The following SSU72 variants were observed in gnomAD, a reference collection of about 807,000 sequenced individuals.
SSU72 encodes the protein RNA polymerase II subunit A C-terminal domain phosphatase SSU72.
A neutral mutation model predicts 22.7 loss-of-function variants in SSU72; 12 were observed. The ratio of observed to expected loss-of-function variants is 0.53; its 90% CI spans 0.34 to 0.86. The LOEUF is 0.86. Among genes scored for constraint, SSU72 ranks in the 40% least tolerant of loss-of-function variants. The probability of loss-of-function intolerance (pLI) is 0.02; values close to 1 mark genes in which losing one functional copy is unlikely to be tolerated. For synonymous variants in SSU72, 116 were observed against 98.3 expected (o/e 1.18, Z -1.06); for missense variants, 151 against 249.8 (o/e 0.60, Z 2.67).
At position 1,544,705 on chromosome 1, in the gene SSU72, G is replaced by T. The variant is rs11806797; in HGVS notation, c.364+158C>A. 20,723 of 971,674 alleles carry T rather than the reference G, an allele frequency of 0.021. 2,322 individuals are homozygous for T. In the African/African-American group the frequency reaches 0.27, roughly 12 times the overall value. 60.2% of individuals were successfully genotyped at this position (971,674 alleles called of 1,614,324 possible). A position where few individuals can be genotyped will look rare whatever the true frequency, so the allele number is the denominator to read the frequency against. On this transcript the variant is annotated intron_variant, in intron 3 of 4. Coordinates refer to ENST00000291386, the MANE Select transcript of SSU72 (RefSeq NM_014188.3). ...CAGCACATGGGTGGTTCAGCGACCA[G>T]CGGCCCTGCCTGCCTTCCAGGGTGC...
chr1:1,547,657 G>A (rs911034855), intron 2 of SSU72, among the ~76,000 whole-genome samples: 1 of 152,238 alleles, frequency 6.6e-6, no homozygotes, highest in Admixed American at 6.5e-5. Flanking sequence ...CGAGGCAAAG[G>A]CTCAGAGCAA....
chr1:1,571,622 A>G (rs1027947982), intron 1 of SSU72, among the ~76,000 whole-genome samples: 6 of 152,160 alleles, frequency 3.9e-5, no homozygotes, highest in African/African-American at 1.4e-4. Flanking sequence ...TTCATTATTC[A>G]GAGGTGCTCT....
intron 2 of SSU72, chr1:1,560,834 TAATA>T (rs1165637968): frequency 6.6e-6 from 1 of 152,216 alleles, no homozygotes; most frequent in East Asian, 1.9e-4. Context: ...AAAATAATAA[TAATA>T]AATTAAGTAT....
chr1:1,559,787 T>C (rs1642564855), intron 2 of SSU72, among the ~76,000 whole-genome samples: 1 of 152,070 alleles, frequency 6.6e-6, no homozygotes, highest in East Asian at 1.9e-4. Context: ...AGTGCAATGG[T>C]GCAACTTCGG....
At position 1,567,912 on chromosome 1, in the gene SSU72, CA is replaced by C. The variant is rs71574349; in HGVS notation, c.81-2997del. On this transcript the variant is annotated intron_variant, in intron 1 of 4. Transcript: ENST00000291386. ...TGGGAAACAGAGCGATACTCTGTTT[CA>C]AAAAAAAAAAAAAAAATCGCACAAA... is the stretch of plus-strand genomic sequence containing the variant. Among the ~76,000 whole-genome samples, 823 of 98,294 alleles carry C rather than the reference CA, an allele frequency of 8.4e-3. 14 individuals are homozygous for C. Among genetic ancestry groups the C allele is most frequent in the African/African-American group, 0.024 (579 of 23,874 alleles). 64.5% of individuals were successfully genotyped at this position (98,294 alleles called of 152,430 possible).
intron 2 of SSU72, among the ~76,000 whole-genome samples, chr1:1,553,186 C>T (rs1231015590): frequency 6.6e-6 from 1 of 152,078 alleles, no homozygotes; most frequent in East Asian, 1.9e-4. Context: ...TGGACAGAAA[C>T]CCTGGATCTG....
intron 1 of SSU72, among the ~76,000 whole-genome samples, chr1:1,567,559 G>A (rs990275981): frequency 6.6e-6 from 1 of 152,140 alleles, no homozygotes; most frequent in Non-Finnish European, 1.5e-5. Flanking sequence ...AGAGGGTGAC[G>A]GAGGCCCAGA....
chr1:1,570,871 G>A (rs1160114448), intron 1 of SSU72, among the ~76,000 whole-genome samples: 1 of 152,058 alleles, frequency 6.6e-6, no homozygotes, highest in Non-Finnish European at 1.5e-5. Context: ...CAGCACTTTG[G>A]GAGGCCAAGG....
chr1:1,572,878 G>GC (rs1491207871), intron 1 of SSU72, among the ~76,000 whole-genome samples: 1 of 10,922 alleles, frequency 9.2e-5, no homozygotes, highest in Non-Finnish European at 2.2e-4. Context: ...ATTTTGTCTT[G>GC]GGGGGGGGGG....
rs796075873 is a variant in SSU72 at position 1,542,538 on chromosome 1, G to A, written c.484-371C>T. On this transcript the variant is annotated intron_variant, in intron 4 of 4. Coordinates refer to ENST00000291386, the MANE Select transcript of SSU72 (RefSeq NM_014188.3). The surrounding 1 kb of genome is among the most constrained non-coding windows in gnomAD (Gnocchi z 4.4). Reference sequence around the variant, plus strand: ...CCACACCACCAACAAGCGAGCGGGGGCAGCCTGGTCATCGGAGCATCCTGG... The same window carrying A: ...CCACACCACCAACAAGCGAGCGGGGACAGCCTGGTCATCGGAGCATCCTGG... Among the ~76,000 whole-genome samples, 12 of 152,210 alleles carry A rather than the reference G, an allele frequency of 7.9e-5. No homozygotes were observed. In the South Asian group the frequency reaches 1.0e-3, roughly 13 times the overall value.
At chr1:1,564,375 A>G (rs1383859788) in intron 2 of SSU72, 2 of 1,195,394 alleles carry the variant, frequency 1.7e-6, no homozygotes, top group Non-Finnish European at 2.3e-6. Context: ...GCCCGGCTCC[A>G]TGTGTATCAG....
intron 2 of SSU72, among the ~76,000 whole-genome samples, chr1:1,548,842 G>C (rs1642423577): frequency 6.6e-6 from 1 of 152,208 alleles, no homozygotes; most frequent in South Asian, 2.1e-4. Flanking sequence ...CCAATCCCGA[G>C]AGGCCACCGG....
chr1:1,565,554 G>C (rs1033927252), intron 1 of SSU72, among the ~76,000 whole-genome samples: 3 of 86,840 alleles, frequency 3.5e-5, no homozygotes, highest in African/African-American at 2.3e-4. Context: ...GGATTCCTAA[G>C]GGACTCACAA....
chr1:1,556,869 A>C (rs1199792362), intron 2 of SSU72, among the ~76,000 whole-genome samples: 1 of 152,222 alleles, frequency 6.6e-6, no homozygotes, highest in African/African-American at 2.4e-5. Context: ...GCACAGCTGC[A>C]TTCTGTCCAG....
At chr1:1,572,468 T>A (rs932735376) in intron 1 of SSU72, among the ~76,000 whole-genome samples, 2 of 150,818 alleles carry the variant, frequency 1.3e-5, no homozygotes, top group African/African-American at 4.9e-5. Flanking sequence ...TATTTATGTA[T>A]TTATTTGAGA....
At chr1:1,550,004 G>A (rs1385582273) in intron 2 of SSU72, among the ~76,000 whole-genome samples, 14 of 146,494 alleles carry the variant, frequency 9.6e-5, no homozygotes, top group East Asian at 2.0e-4. Context: ...GCAAAACCCC[G>A]TCTTCTCTAC....
rs74365771 is a variant in SSU72 at position 1,542,828 on chromosome 1, A to G, written c.484-661T>C. Among the ~76,000 whole-genome samples the G allele has an allele frequency of 6.6e-6, 1 of 152,144 alleles. No homozygotes were observed. Among genetic ancestry groups the G allele is most frequent in the Non-Finnish European group, 1.5e-5 (1 of 68,028 alleles). Reference sequence around the variant, plus strand: ...TGACCTTTTCTCCTGCCAGGCGATCATGAAGACCGTCCCTGGCGCTTCAGC... The same window carrying G: ...TGACCTTTTCTCCTGCCAGGCGATCGTGAAGACCGTCCCTGGCGCTTCAGC... On this transcript the variant is annotated intron_variant, in intron 4 of 4. Coordinates refer to ENST00000291386, the MANE Select transcript of SSU72 (RefSeq NM_014188.3). This position sits in a 1 kb window ranked among gnomAD's most constrained non-coding sequence, Gnocchi z 4.4.
At chr1:1,549,297 G>A (rs1006294355) in intron 2 of SSU72, among the ~76,000 whole-genome samples, 1 of 151,992 alleles carries the variant, frequency 6.6e-6, no homozygotes, top group Admixed American at 6.6e-5. Context: ...CGAGGCAGGT[G>A]GATCACAAGA....
Position 1,574,534 on chromosome 1 carries a change from C to T in SSU72, c.24G>A (p.Val8=), listed in dbSNP as rs1363797662. MPSSPLR[V]AVVCSSNQNR... is the part of the protein sequence containing the mutation. ...TCTGGTTGCTCGAGCACACCACCGC[C>T]ACCCGCAGCGGGGACGACGGCATGG... Residue 8 remains valine, a synonymous_variant, in exon 1 of 5, where the codon GTG becomes GTA. Coordinates refer to ENST00000291386, the MANE Select transcript of SSU72 (RefSeq NM_014188.3). The T allele has an allele frequency of 6.3e-7, 1 of 1,589,902 alleles. No individual in the cohort carries two copies.
Sources: gnomAD v4.1 joint callset for allele counts (sites outside exome capture counted in the v4.1 genomes callset) on GRCh38, gnomAD v4.1.1 for gene constraint, Gnocchi (gnomAD v3.1) non-coding constraint, MANE v1.5 for transcripts, NCBI Gene and HGNC (gene_info 2026-07-23, HGNC 2026-07-21) for gene names.